The following LAMA1 variants were observed in gnomAD, a reference collection of about 807,000 sequenced individuals.
LAMA1 encodes the protein laminin subunit alpha 1.
LAMA1 carries 219 observed loss-of-function variants against 348.7 expected under a neutral mutation model. The ratio of observed to expected loss-of-function variants is 0.63; its 90% CI spans 0.56 to 0.70. LAMA1 has a LOEUF of 0.70. Ranked by LOEUF, LAMA1 falls within the 30% of genes least tolerant of loss-of-function variation. The pLI is 0.00. For missense variants in LAMA1, 3,744 were observed against 3,888.0 expected (o/e 0.96, Z 0.99); for synonymous variants, 1,487 against 1,491.0 (o/e 1.00, Z 0.06).
chr18:6,958,876 T>C (rs576410164), intron 54 of LAMA1, among the ~76,000 whole-genome samples: 1 of 152,298 alleles, frequency 6.6e-6, no homozygotes, highest in South Asian at 2.1e-4. Context: ...TGTTATTAAA[T>C]ATCCATTGAA....
rs2058002133 is a variant in LAMA1, at chr18:7,037,766, C to T, written c.1564-15G>A. 1 of 1,613,728 alleles carries T rather than the reference C, an allele frequency of 6.2e-7. No homozygotes were observed. ...ATACTGTTTACCTTAAAAACAAATT[C>T]AAGAATTTTGAAGTATGAAATAGAA... On this transcript the variant is annotated splice_polypyrimidine_tract_variant and intron_variant, in intron 11 of 62. Coordinates refer to ENST00000389658, the MANE Select transcript of LAMA1 (RefSeq NM_005559.4).
chr18:7,010,090 A>G, intron 26 of LAMA1, 110 bp downstream of exon 26: 1 of 1,276,428 alleles, frequency 7.8e-7, no homozygotes, highest in Non-Finnish European at 1.1e-6. Context: ...TACAGGTGTG[A>G]GCCACCGTAC....
chr18:7,033,637 T>C (rs2057981229), intron 14 of LAMA1, among the ~76,000 whole-genome samples: 1 of 152,158 alleles, frequency 6.6e-6, no homozygotes, highest in Non-Finnish European at 1.5e-5. Flanking sequence ...TGGTGTTGCC[T>C]ATTTGGAGTT....
intron 1 of LAMA1, among the ~76,000 whole-genome samples, chr18:7,112,315 G>C (rs2058338853): frequency 6.6e-6 from 1 of 152,148 alleles, no homozygotes; most frequent in Non-Finnish European, 1.5e-5. Context: ...GTCCAGTAAA[G>C]AAGTTAGTAT....
intron 3 of LAMA1, chr18:7,079,518 C>T (rs966090507): frequency 4.8e-5 from 11 of 230,486 alleles, no homozygotes; most frequent in Non-Finnish European, 8.6e-5. Flanking sequence ...GCAGGGGAGA[C>T]ACAGTCAAGA....
At chr18:7,036,146 A>G in intron 12 of LAMA1, 58 bp from the exon 13 acceptor site, 1 of 1,192,428 alleles carries the variant, frequency 8.4e-7, no homozygotes, top group East Asian at 2.3e-5. Flanking sequence ...GCAACAATCA[A>G]GTAAGAGGAA....
Position 6,989,952 on chromosome 18 carries a change from T to A in LAMA1, c.5168+2609A>T, listed in dbSNP as rs2057751509. Among the ~76,000 whole-genome samples, 5 of 152,324 alleles carry A rather than the reference T, an allele frequency of 3.3e-5. No individual in the cohort carries two copies. In the South Asian group the frequency reaches 1.0e-3, roughly 32 times the overall value. Reference sequence around the variant, plus strand: ...TGCCCAGGAGTTCATGGGACACTAGTGTTATAGAGGCACATAGCTTGAGAA... The same window carrying A: ...TGCCCAGGAGTTCATGGGACACTAGAGTTATAGAGGCACATAGCTTGAGAA... On this transcript the variant is annotated intron_variant, in intron 36 of 62. Coordinates refer to ENST00000389658, the MANE Select transcript of LAMA1 (RefSeq NM_005559.4).
At position 6,961,998 on chromosome 18, in the gene LAMA1, T is replaced by A. The variant is rs778512656; in HGVS notation, c.7399A>T (p.Thr2467Ser). 1 of 1,614,256 alleles carries A rather than the reference T, an allele frequency of 6.2e-7. No individual in the cohort carries two copies. The highest frequency in any genetic ancestry group is 8.5e-7 in the Non-Finnish European group (1 of 1,180,038). ...CIKNLEISRS[T>S]FDLLRNSYGV... ...TAGGAATTTCTGAGTAAGTCAAAGG[T>A]TGATCTGGATATTTCCAGGTTCTTG... The change falls in exon 52 of 63, where the codon ACC becomes TCC. Residue 2467 changes from threonine to serine, a missense_variant. By Grantham distance (58) the Thr-to-Ser change is moderately conservative. This residue lies in a region of LAMA1 where 1,983 missense variants were observed against 1,934.3 expected (regional missense o/e 1.03). Transcript: ENST00000389658.
chr18:7,021,197 C>T (rs78916284), intron 19 of LAMA1, among the ~76,000 whole-genome samples: 2,124 of 152,192 alleles, frequency 0.014, 44 homozygotes, highest in African/African-American at 0.048. Flanking sequence ...GGAGGCAGCC[C>T]GGGCCACCCT....
intron 3 of LAMA1, among the ~76,000 whole-genome samples, chr18:7,078,852 C>T (rs78231732): frequency 0.045 from 6,791 of 151,986 alleles, 479 homozygotes; most frequent in African/African-American, 0.15. Flanking sequence ...CCAGGCATGG[C>T]GACAGGAGCC....
At chr18:7,098,617 C>T (rs1231721391) in intron 1 of LAMA1, among the ~76,000 whole-genome samples, 2 of 151,132 alleles carry the variant, frequency 1.3e-5, no homozygotes, top group Admixed American at 6.6e-5. Flanking sequence ...GCCCGGCAAC[C>T]GCCCCGTCTG....
chr18:6,992,743 A>G, intron 35 of LAMA1, 23 bp from the exon 36 acceptor site: 6 of 1,600,524 alleles, frequency 3.7e-6, no homozygotes, highest in Non-Finnish European at 5.1e-6. Flanking sequence ...TTCATCAATT[A>G]TTTAATAAGC....
intron 48 of LAMA1, among the ~76,000 whole-genome samples, chr18:6,968,333 A>G (rs1297595197): frequency 1.3e-5 from 2 of 152,186 alleles, no homozygotes; most frequent in South Asian, 2.1e-4. Flanking sequence ...GAGCTGACCT[A>G]CTAGCATGCC....
chr18:6,965,556 C>T (rs1040835714), intron 49 of LAMA1, 124 bp from the exon 50 acceptor site: 5 of 1,135,098 alleles, frequency 4.4e-6, no homozygotes, highest in Non-Finnish European at 6.6e-6. Flanking sequence ...GGCCCCACAG[C>T]CAGAGGTCTA....
At chr18:7,046,153 T>A in intron 6 of LAMA1, 125 bp downstream of exon 6, 1 of 633,732 alleles carries the variant, frequency 1.6e-6, no homozygotes, top group Non-Finnish European at 2.8e-6. Flanking sequence ...TTTCTGAAAA[T>A]CTGTTTTTTT....
Position 6,975,937 on chromosome 18 carries a change from A to G in LAMA1, c.6489T>C (p.Ala2163=). The change falls in exon 45 of 63, where the codon GCT becomes GCC. Residue 2163 remains alanine (A), a splice_region_variant and synonymous_variant. Coordinates refer to ENST00000389658, the MANE Select transcript of LAMA1 (RefSeq NM_005559.4). ...NLLFYLGSST[A]SDFLAVEMRR... ...CGCTTTCCAAAGGTCCATAACTTAC[A>G]GCGGTGCTGCTACCGAGGTAGAAGA... The G allele has an allele frequency of 6.2e-7, 1 of 1,614,128 alleles. No homozygotes were observed. The highest frequency in any genetic ancestry group is 8.5e-7 in the Non-Finnish European group (1 of 1,180,030).
intron 34 of LAMA1, among the ~76,000 whole-genome samples, 170 bp from the exon 35 acceptor site, chr18:6,993,922 G>C (rs956909430): frequency 2.0e-5 from 3 of 152,102 alleles, no homozygotes; most frequent in African/African-American, 7.2e-5. Context: ...AATATTTTGG[G>C]GTTAGAAATG....
At chr18:7,021,604 C>T (rs985846023) in intron 19 of LAMA1, among the ~76,000 whole-genome samples, 3 of 151,466 alleles carry the variant, frequency 2.0e-5, no homozygotes, top group African/African-American at 7.3e-5. Flanking sequence ...GTAAATATTG[C>T]TTAATACTTT....
intron 42 of LAMA1, among the ~76,000 whole-genome samples, chr18:6,979,759 G>GC (rs2057701004): frequency 6.8e-6 from 1 of 146,006 alleles, no homozygotes. Flanking sequence ...ATTAGCCGGG[G>GC]ACGGTGGCGG....
Sources: allele counts gnomAD v4.1 joint callset (sites outside exome capture counted in the v4.1 genomes callset), GRCh38; gene constraint gnomAD v4.1.1; regional missense constraint gnomAD v4.1.1; transcripts MANE v1.5; gene names NCBI Gene and HGNC (gene_info 2026-07-23, HGNC 2026-07-21).